Variants in DCT observed in about 807,000 individuals in gnomAD.
The protein encoded by DCT is L-dopachrome tautomerase.
Under a neutral mutation model 53.0 loss-of-function variants are expected in DCT, and 47 were observed. The ratio of observed to expected loss-of-function variants is 0.89; its 90% confidence interval spans 0.70 to 1.13. The LOEUF (loss-of-function observed/expected upper bound fraction) is 1.13, where lower values mean the gene tolerates loss of function less well. Among genes scored for constraint, DCT ranks in the 50% most tolerant of loss-of-function variants. The pLI is 0.00. For missense variants in DCT, 669 were observed against 637.4 expected (o/e 1.05, Z -0.53); for synonymous variants, 244 against 237.0 (o/e 1.03, Z -0.27).
In DCT at chr13:94,440,699, T is replaced by TTTC. The variant is rs1555330304; in HGVS notation, c.1382-624_1382-623insGAA. Among the ~76,000 whole-genome samples the TTTC allele has an allele frequency of 2.0e-5, 3 of 148,486 alleles. 1 individual carries two copies. Among genetic ancestry groups the TTTC allele is most frequent in the African/African-American group, 7.5e-5 (3 of 40,214 alleles). On this transcript the variant is annotated intron_variant, in intron 7 of 7. Coordinates refer to ENST00000377028, the MANE Select transcript of DCT (RefSeq NM_001922.5). The stretch of plus-strand genomic sequence containing the variant: ...TGGTTTTTTTTTTTTTTTTTTTTTT[T>TTTC]AGATAAAGTCTCGCTCTGTCGCCCA...
the DCT span, among the ~76,000 whole-genome samples, chr13:94,525,812 G>A: frequency 6.6e-6 from 1 of 152,192 alleles, no homozygotes; most frequent in Non-Finnish European, 1.5e-5. Context: ...GGGCAACATA[G>A]TGAGACTCTG....
the DCT span, among the ~76,000 whole-genome samples, chr13:94,516,108 A>G: frequency 0.49 from 70,013 of 144,054 alleles, 18,964 homozygotes; most frequent in African/African-American, 0.74. Context: ...GACTCAGCTG[A>G]TCCCAGTGCA....
At position 94,437,416 on chromosome 13, in the gene DCT, TAAGC is replaced by T. The variant is rs1482195586; in HGVS notation, c.*2478_*2481del. 2 of 152,216 alleles carry T rather than the reference TAAGC, an allele frequency of 1.3e-5. No homozygotes were observed. Among genetic ancestry groups the T allele is most frequent in the Non-Finnish European group, 2.9e-5 (2 of 68,028 alleles). The allele number at this position is 152,216 out of a possible 1,614,324, so 9.4% of individuals were successfully genotyped here. On this transcript the variant is annotated 3_prime_UTR_variant, in exon 8 of 8. Coordinates refer to ENST00000377028, the MANE Select transcript of DCT (RefSeq NM_001922.5). ...TATTATAATTAACAATGTTAAATCC[TAAGC>T]AAGATACAAATGTCAATTTTAGAAT...
chr13:94,499,574 T>C, the DCT span, among the ~76,000 whole-genome samples: 1 of 152,138 alleles, frequency 6.6e-6, no homozygotes, highest in Non-Finnish European at 1.5e-5. Flanking sequence ...CCTGGCAGCA[T>C]GAATTAGATG....
At chr13:94,499,057 C>A in the DCT span, among the ~76,000 whole-genome samples, 1 of 152,136 alleles carries the variant, frequency 6.6e-6, no homozygotes, top group Non-Finnish European at 1.5e-5. Context: ...GCAGTGGCAC[C>A]CCATTCGGGT....
At chr13:94,453,793 C>T (rs1883246047) in intron 6 of DCT, among the ~76,000 whole-genome samples, 1 of 152,338 alleles carries the variant, frequency 6.6e-6, no homozygotes. Flanking sequence ...GTGCTTTTCA[C>T]CTTCCACCAT....
Position 94,479,045 on chromosome 13 carries a change from AG to A in DCT, c.210del (p.Trp71GlyfsTer55). The A allele has an allele frequency of 6.2e-7, 1 of 1,614,244 alleles. No individual in the cohort carries two copies. Among genetic ancestry groups the A allele is most frequent in the Non-Finnish European group, 8.5e-7 (1 of 1,180,044 alleles). On this transcript the variant is annotated frameshift_variant, in exon 1 of 8. Transcript: ENST00000377028. LOFTEE classifies it high-confidence loss of function. ...TTTCGTAGGATGTAGGGACCACTCC[AG>A]GGCCTTGTGTCGGCTCGCACCTCTG... ...QCTEVRADTR[P>X]WSGPYILRNQ... is the part of the protein sequence containing the mutation.
the DCT span, among the ~76,000 whole-genome samples, chr13:94,529,068 T>C: frequency 4.6e-5 from 7 of 152,192 alleles, no homozygotes; most frequent in African/African-American, 1.7e-4. Context: ...GGCAAAGTGA[T>C]CAATTCACCA....
chr13:94,488,450 C>T, the DCT span, among the ~76,000 whole-genome samples: 1 of 152,040 alleles, frequency 6.6e-6, no homozygotes, highest in Non-Finnish European at 1.5e-5. Flanking sequence ...CACGGTGGCT[C>T]ACACCTGTAA....
At chr13:94,527,222 C>T in the DCT span, among the ~76,000 whole-genome samples, 3 of 152,180 alleles carry the variant, frequency 2.0e-5, no homozygotes, top group East Asian at 1.9e-4. Flanking sequence ...CAAAAGGCAG[C>T]GAACAGTTTC....
upstream of DCT, among the ~76,000 whole-genome samples, chr13:94,480,983 G>A (rs1004536203): frequency 4.6e-5 from 7 of 152,194 alleles, no homozygotes; most frequent in South Asian, 4.1e-4. Flanking sequence ...CAGGACTGGC[G>A]TGTGTCAGCC....
chr13:94,482,892 C>G (rs1469821744), upstream of DCT, among the ~76,000 whole-genome samples: 1 of 152,178 alleles, frequency 6.6e-6, no homozygotes, highest in Non-Finnish European at 1.5e-5. Flanking sequence ...GAACTCCCCC[C>G]TCAGTATTTC....
intron 1 of DCT, among the ~76,000 whole-genome samples, chr13:94,478,730 C>T (rs755459242): frequency 2.0e-5 from 3 of 152,268 alleles, no homozygotes; most frequent in Non-Finnish European, 2.9e-5. Context: ...TTCATATAAG[C>T]AGGCTTGGCC....
intron 6 of DCT, among the ~76,000 whole-genome samples, chr13:94,452,976 T>G (rs55855830): frequency 6.6e-6 from 1 of 152,160 alleles, no homozygotes; most frequent in Non-Finnish European, 1.5e-5. Context: ...ACGGACTTCA[T>G]TTTATACATT....
At chr13:94,458,676 A>C (rs571330139) in intron 6 of DCT, among the ~76,000 whole-genome samples, 28 of 151,850 alleles carry the variant, frequency 1.8e-4, no homozygotes, top group Non-Finnish European at 1.5e-5. Flanking sequence ...GTGGCGTGCA[A>C]CTGTAGTCCC....
At chr13:94,453,668 G>T (rs1242634190) in intron 6 of DCT, among the ~76,000 whole-genome samples, 1 of 152,012 alleles carries the variant, frequency 6.6e-6, no homozygotes, top group Non-Finnish European at 1.5e-5. Flanking sequence ...GAATCATGGG[G>T]GTGGGTCTTT....
At chr13:94,466,370 C>G (rs921125877) in intron 3 of DCT, among the ~76,000 whole-genome samples, 188 bp downstream of exon 3, 2 of 151,990 alleles carry the variant, frequency 1.3e-5, no homozygotes, top group Non-Finnish European at 2.9e-5. Context: ...CTTAGGTACT[C>G]TTACCACACA....
the DCT span, among the ~76,000 whole-genome samples, chr13:94,549,295 ACCT>A: frequency 2.1e-4 from 32 of 152,116 alleles, no homozygotes; most frequent in Admixed American, 2.1e-3. Context: ...GACAGACCAG[ACCT>A]CCTCCCATCG....
intron 7 of DCT, among the ~76,000 whole-genome samples, chr13:94,441,676 C>T (rs1350635454): frequency 6.6e-6 from 1 of 152,166 alleles, no homozygotes; most frequent in Non-Finnish European, 1.5e-5. Context: ...GTATCAGAAT[C>T]TCCTTCCTTT....
Sources: allele counts gnomAD v4.1 joint callset (sites outside exome capture counted in the v4.1 genomes callset), GRCh38; gene constraint gnomAD v4.1.1; transcripts MANE v1.5; gene names NCBI Gene and HGNC (gene_info 2026-07-23, HGNC 2026-07-21).